EHMT1: variants seen among roughly 807,000 people sequenced by gnomAD.
The protein encoded by EHMT1 is euchromatic histone lysine methyltransferase 1, also known as histone-lysine N-methyltransferase EHMT1.
A neutral mutation model predicts 147.2 loss-of-function variants in EHMT1; 15 were observed. The ratio of observed to expected loss-of-function variants is 0.10; its 90% CI spans 0.07 to 0.16. The LOEUF (loss-of-function observed/expected upper bound fraction) is 0.16. Among genes scored for constraint, EHMT1 ranks in the 10% least tolerant of loss-of-function variants. The pLI, the probability that EHMT1 is intolerant of heterozygous loss-of-function variation, is 1.00. For missense variants in EHMT1, 1,587 were observed against 1,772.4 expected (o/e 0.90, Z 1.88); for synonymous variants, 795 against 709.6 (o/e 1.12, Z -1.91).
intron 1 of EHMT1, among the ~76,000 whole-genome samples, chr9:137,686,792 G>A (rs961979499): frequency 5.3e-5 from 8 of 149,824 alleles, no homozygotes; most frequent in African/African-American, 1.2e-4. Flanking sequence ...GTGCAGTGGC[G>A]TGATCTCGGC....
intron 1 of EHMT1, among the ~76,000 whole-genome samples, chr9:137,663,088 C>G (rs1010970982): frequency 6.6e-6 from 1 of 152,202 alleles, no homozygotes; most frequent in Non-Finnish European, 1.5e-5. Context: ...CCACCGCGCC[C>G]AGTCCTGGCC....
In EHMT1 at chr9:137,834,324, C is replaced by T. The variant is rs776472521; in HGVS notation, c.3541-25C>T. 3.7e-6 allele frequency: 6 copies of T among 1,604,376 alleles called. No individual in the cohort carries two copies. The East Asian group carries it at 1.1e-4, about 30-fold the overall frequency. ...CGTGTCGGGGCCTTGCTAACTGCAG[C>T]CCGTGCCGGCTTCTCGCCCTGCAGG... is the stretch of plus-strand genomic sequence containing the variant. On this transcript the variant is annotated intron_variant, in intron 25 of 26. Coordinates refer to ENST00000460843, the MANE Select transcript of EHMT1 (RefSeq NM_024757.5).
chr9:137,666,200 T>G (rs1032971236), intron 1 of EHMT1: 1 of 152,368 alleles, frequency 6.6e-6, no homozygotes, highest in Non-Finnish European at 1.5e-5. Context: ...TAACCCTGTT[T>G]TGCTCTCTGG....
At chr9:137,818,262 T>C in intron 25 of EHMT1, 124 bp downstream of exon 25, 1 of 1,100,526 alleles carries the variant, frequency 9.1e-7, no homozygotes, top group East Asian at 2.4e-5. Context: ...GGGCTTGCTA[T>C]AGACCTGCTG....
chr9:137,811,602 T>C lies in EHMT1; in HGVS notation c.2854T>C (p.Tyr952His). 2 of 1,602,032 alleles carry C rather than the reference T, an allele frequency of 1.2e-6. No individual in the cohort carries two copies. The highest frequency in any genetic ancestry group is 1.7e-6 in the Non-Finnish European group (2 of 1,179,946). Residue 952 changes from tyrosine to histidine, a missense_variant, in exon 19 of 27, where the codon TAC becomes CAC. Around this residue, in one of 7 missense-constraint regions of EHMT1, gnomAD observed 201 missense variants for 350.1 expected, o/e 0.57. Coordinates refer to ENST00000460843, the MANE Select transcript of EHMT1 (RefSeq NM_024757.5). ...PLHIAARENRYDCVVLFLSRD... is the reference protein window; with the variant it reads ...PLHIAARENRHDCVVLFLSRD... The stretch of plus-strand genomic sequence containing the variant: ...GCACATTGCCGCCCGGGAGAACCGC[T>C]ACGACTGTGTCGTGTGAGTGCAGTG...
At chr9:137,661,991 G>A (rs1432186331) in intron 1 of EHMT1, among the ~76,000 whole-genome samples, 5 of 151,600 alleles carry the variant, frequency 3.3e-5, no homozygotes, top group Non-Finnish European at 5.9e-5. Context: ...TAGTAGAGAC[G>A]AGGTTTCACC....
chr9:137,651,019 C>T (rs1228058238), intron 1 of EHMT1: 2 of 152,316 alleles, frequency 1.3e-5, no homozygotes, highest in East Asian at 3.9e-4. Flanking sequence ...TGTGATTGCA[C>T]CACTGCACTC....
intron 14 of EHMT1, among the ~76,000 whole-genome samples, chr9:137,781,521 C>A (rs1454494606): frequency 2.0e-5 from 3 of 152,184 alleles, no homozygotes; most frequent in Non-Finnish European, 2.9e-5. Flanking sequence ...TTCACCTGTG[C>A]TGATCGCAGC....
At chr9:137,749,211 T>C (rs1002668904) in intron 6 of EHMT1, among the ~76,000 whole-genome samples, 2 of 152,228 alleles carry the variant, frequency 1.3e-5, no homozygotes, top group Non-Finnish European at 2.9e-5. Flanking sequence ...TCTCTTTTCC[T>C]GTTTCACTTG....
intron 2 of EHMT1, among the ~76,000 whole-genome samples, chr9:137,713,637 T>G (rs1246755437): frequency 6.6e-6 from 1 of 152,002 alleles, no homozygotes; most frequent in African/African-American, 2.4e-5. Context: ...TTCATTTTGA[T>G]CATTGATACT....
chr9:137,762,792 G>T lies in EHMT1; in HGVS notation c.1619G>T (p.Cys540Phe), dbSNP rs1949931256. 6.2e-7 allele frequency: 1 copy of T among 1,614,128 alleles called. No homozygotes were observed. The highest frequency in any genetic ancestry group is 1.7e-5 in the Admixed American group (1 of 60,014). ...REITTLANNQ[C>F]MATESVDHEL... is the part of the protein sequence containing the mutation. ...ATCACCACACTGGCCAACAACCAGT[G>T]CATGGCTACAGAGAGCGTGGACCAT... Residue 540 changes from cysteine to phenylalanine, a missense_variant, in exon 10 of 27, where the codon TGC becomes TTC. Around this residue, in one of 7 missense-constraint regions of EHMT1, gnomAD observed 124 missense variants for 197.8 expected, o/e 0.63. Transcript: ENST00000460843.
chr9:137,750,755 C>T (rs889762510), intron 6 of EHMT1, among the ~76,000 whole-genome samples: 7 of 152,190 alleles, frequency 4.6e-5, no homozygotes, highest in Admixed American at 1.3e-4. Flanking sequence ...CAGGACGTGG[C>T]TGCCGGAGGG....
At chr9:137,678,044 G>C in intron 1 of EHMT1, among the ~76,000 whole-genome samples, 1 of 152,118 alleles carries the variant, frequency 6.6e-6, no homozygotes, top group Admixed American at 6.5e-5. Context: ...ACTCCAGCCT[G>C]GGCGACAGAG....
At chr9:137,800,582 C>G in intron 17 of EHMT1, 2 of 476,292 alleles carry the variant, frequency 4.2e-6, no homozygotes, top group Non-Finnish European at 7.7e-6. Context: ...GTTGGTGCGT[C>G]CCCAGTGAGT....
rs1198676845 is a variant in EHMT1, at chr9:137,634,919, A to G, written c.21+15870A>G. ...GTATTTTTAGTAGAGATGGGGTTTCACCATATTAGCCAGGATGGTCTCGAT... is the reference window on the plus strand; with the variant it reads ...GTATTTTTAGTAGAGATGGGGTTTCGCCATATTAGCCAGGATGGTCTCGAT... On this transcript the variant is annotated intron_variant, in intron 1 of 26. Coordinates refer to ENST00000460843, the MANE Select transcript of EHMT1 (RefSeq NM_024757.5). Among the ~76,000 whole-genome samples the G allele has an allele frequency of 4.1e-5, 5 of 121,990 alleles. No individual in the cohort carries two copies. In the East Asian group the frequency reaches 9.2e-4, roughly 23 times the overall value. 80.0% of individuals were successfully genotyped at this position (121,990 alleles called of 152,430 possible).
At chr9:137,781,063 T>TGACGCCGAGACGTGTGGTGAC (rs1242910560) in intron 14 of EHMT1, among the ~76,000 whole-genome samples, 8 of 68,046 alleles carry the variant, frequency 1.2e-4, no homozygotes, top group East Asian at 7.1e-4. Flanking sequence ...CGTGTGGTGA[T>TGACGCCGAGACGTGTGGTGAC]GACGCCGGGA....
At chr9:137,766,938 C>T (rs1950257297) in intron 10 of EHMT1, among the ~76,000 whole-genome samples, 1 of 152,042 alleles carries the variant, frequency 6.6e-6, no homozygotes, top group Non-Finnish European at 1.5e-5. Flanking sequence ...CCAGCTGAGC[C>T]TCCCGAGTGG....
At chr9:137,697,887 A>G (rs569067430) in intron 1 of EHMT1, among the ~76,000 whole-genome samples, 3 of 152,282 alleles carry the variant, frequency 2.0e-5, no homozygotes, top group African/African-American at 7.2e-5. Flanking sequence ...TTTTGAGTAA[A>G]ATGTGATTGC....
intron 14 of EHMT1, among the ~76,000 whole-genome samples, chr9:137,781,080 GTGA>G (rs1564748269): frequency 1.2e-5 from 1 of 85,484 alleles, no homozygotes; most frequent in African/African-American, 4.0e-5. Context: ...GGGATGTGTG[GTGA>G]TGACGCTGGG....
Sources: allele counts gnomAD v4.1 joint callset (sites outside exome capture counted in the v4.1 genomes callset), GRCh38; gene constraint gnomAD v4.1.1; regional missense constraint gnomAD v4.1.1; transcripts MANE v1.5; gene names NCBI Gene and HGNC (gene_info 2026-07-23, HGNC 2026-07-21).